PRR5: variants seen among roughly 807,000 people sequenced by gnomAD.
PRR5 encodes the protein proline rich 5, also known as proline-rich protein 5.
A neutral mutation model predicts 30.6 loss-of-function variants in PRR5; 25 were observed. The ratio of observed to expected loss-of-function variants is 0.82; its 90% confidence interval spans 0.60 to 1.14. The LOEUF (loss-of-function observed/expected upper bound fraction) is 1.14, where lower values mean the gene tolerates loss of function less well. Ranked by LOEUF, PRR5 falls within the 50% of genes most tolerant of loss-of-function variation. PRR5 has a pLI of 0.00. For missense variants in PRR5, 600 were observed against 547.1 expected (o/e 1.10, Z -0.96); for synonymous variants, 286 against 247.1 (o/e 1.16, Z -1.48).
chr22:44,692,626 G>A (rs1017505972), intron 1 of PRR5, among the ~76,000 whole-genome samples: 1 of 152,180 alleles, frequency 6.6e-6, no homozygotes, highest in African/African-American at 2.4e-5. Context: ...GCTTCACATT[G>A]CAGTGTGAAC....
intron 4 of PRR5, among the ~76,000 whole-genome samples, chr22:44,729,088 GC>G (rs1366613233): frequency 1.3e-5 from 2 of 152,202 alleles, no homozygotes; most frequent in African/African-American, 2.4e-5. Flanking sequence ...CCTCTGCTGG[GC>G]CCTGGGATCT....
At chr22:44,671,948 C>G (rs1923452787) in intron 1 of PRR5, among the ~76,000 whole-genome samples, 1 of 152,216 alleles carries the variant, frequency 6.6e-6, no homozygotes, top group Non-Finnish European at 1.5e-5. Context: ...CATTCTGTAG[C>G]CACGTGGTCT....
intron 1 of PRR5, among the ~76,000 whole-genome samples, chr22:44,695,853 G>A (rs1243129094): frequency 6.7e-6 from 1 of 149,536 alleles, no homozygotes; most frequent in Admixed American, 6.7e-5. Context: ...CACCCATCTC[G>A]GTCTCCCAAA....
upstream of PRR5, among the ~76,000 whole-genome samples, chr22:44,675,762 G>GTTATTATTATTATCATTA (rs1555894617): frequency 1.8e-4 from 26 of 142,964 alleles, no homozygotes; most frequent in African/African-American, 6.2e-4. Context: ...TGTTGCTGTT[G>GTTATTATTATTATCATTA]TTATTATTAT....
intron 1 of PRR5, among the ~76,000 whole-genome samples, chr22:44,692,106 G>A (rs1277530800): frequency 1.3e-5 from 2 of 151,924 alleles, no homozygotes; most frequent in East Asian, 3.9e-4. Context: ...AAAAAGCACT[G>A]CCTAAGCCCT....
At chr22:44,670,067 C>G (rs1442238659) in intron 1 of PRR5, among the ~76,000 whole-genome samples, 1 of 152,192 alleles carries the variant, frequency 6.6e-6, no homozygotes, top group African/African-American at 2.4e-5. Context: ...TTTGTAAGTC[C>G]CCCATCGTCA....
intron 1 of PRR5, among the ~76,000 whole-genome samples, chr22:44,707,010 C>T (rs896441799): frequency 6.6e-6 from 1 of 152,154 alleles, no homozygotes; most frequent in Non-Finnish European, 1.5e-5. Context: ...AGAGATGTGT[C>T]CCCATCGGGC....
chr22:44,731,203 T>TGGGTCTC, intron 4 of PRR5: 2 of 272,666 alleles, frequency 7.3e-6, no homozygotes, highest in Non-Finnish European at 1.5e-5. Context: ...CTCACCTGTG[T>TGGGTCTC]AGGTCTCACC....
intron 1 of PRR5, among the ~76,000 whole-genome samples, chr22:44,680,863 T>C (rs912763595): frequency 1.2e-4 from 18 of 152,092 alleles, no homozygotes; most frequent in Admixed American, 2.0e-4. Flanking sequence ...AAGGTGGGAT[T>C]TGAGAACCTG....
intron 4 of PRR5, among the ~76,000 whole-genome samples, chr22:44,729,009 G>C (rs567694565): frequency 6.6e-6 from 1 of 152,176 alleles, no homozygotes; most frequent in South Asian, 2.1e-4. Flanking sequence ...TAAGGGAATC[G>C]GCTCCAGCTG....
chr22:44,683,248 C>T (rs999829378), intron 1 of PRR5, among the ~76,000 whole-genome samples: 1 of 152,214 alleles, frequency 6.6e-6, no homozygotes, highest in African/African-American at 2.4e-5. Flanking sequence ...GCAGTGAAGC[C>T]CTGGAGAGCC....
chr22:44,691,329 C>G lies in PRR5; in HGVS notation c.-10-11163C>G, dbSNP rs969639118. The stretch of plus-strand genomic sequence containing the variant: ...CAGGACTCAGAACCTCCATGTCCAC[C>G]TCGGTGGCACGGAGAGGAGGCTACC... On this transcript the variant is annotated intron_variant, in intron 1 of 8. Transcript: ENST00000006251. The surrounding 1 kb of genome is among the most constrained non-coding windows in gnomAD (Gnocchi z 4.4). Among the ~76,000 whole-genome samples the G allele has an allele frequency of 6.6e-6, 1 of 152,160 alleles. No individual in the cohort carries two copies. Among genetic ancestry groups the G allele is most frequent in the Non-Finnish European group, 1.5e-5 (1 of 68,022 alleles).
At chr22:44,687,680 TCTC>T (rs954797661) in intron 1 of PRR5, among the ~76,000 whole-genome samples, 1 of 152,170 alleles carries the variant, frequency 6.6e-6, no homozygotes, top group African/African-American at 2.4e-5. Flanking sequence ...CCGCGCCTGG[TCTC>T]CTGGCTGCTA....
At position 44,704,333 on chromosome 22, in the gene PRR5, C is replaced by T. The variant is rs530840271; in HGVS notation, c.134+1725C>T. On this transcript the variant is annotated intron_variant, in intron 1 of 7. Coordinates refer to ENST00000336985, the MANE Select transcript of PRR5 (RefSeq NM_181333.4). ...CGAGGTGGGGCGTCCTGCTGCGGGT[C>T]CCCAGACAGGTGGGGGCACTGGCTG... 4.6e-5 allele frequency among the ~76,000 whole-genome samples: 7 copies of T among 152,226 alleles called. No homozygotes were observed. The South Asian group carries it at 1.2e-3, about 27-fold the overall frequency.
chr22:44,728,320 G>A (rs868604739), intron 4 of PRR5, among the ~76,000 whole-genome samples: 2 of 152,228 alleles, frequency 1.3e-5, no homozygotes, highest in African/African-American at 4.8e-5. Context: ...CAGCACCCCT[G>A]TCTTAGCAAT....
In PRR5 at chr22:44,679,768, G is replaced by C. The variant is rs777697105; in HGVS notation, c.-11+2528G>C. The C allele has an allele frequency of 1.0e-5, 16 of 1,562,260 alleles. No individual in the cohort carries two copies. In the East Asian group the frequency reaches 3.0e-4, roughly 30 times the overall value. On this transcript the variant is annotated intron_variant, in intron 1 of 8. Coordinates refer to the PRR5 transcript ENST00000006251. ...CTCCCCGCTCTGGGACACTCAGTCT[G>C]ATGGGGCAGGCTGGTCAGAAGACAT...
intron 6 of PRR5, among the ~76,000 whole-genome samples, chr22:44,733,384 C>G (rs907542625): frequency 6.6e-6 from 1 of 152,268 alleles, no homozygotes; most frequent in African/African-American, 2.4e-5. Context: ...AGCTTCACCC[C>G]GGCTCTCGCA....
At chr22:44,732,485 G>A (rs1922208071) in intron 6 of PRR5, 94 bp downstream of exon 6, 1 of 1,496,154 alleles carries the variant, frequency 6.7e-7, no homozygotes, top group South Asian at 1.2e-5. Context: ...AGGATTTAGG[G>A]GCACGAGACT....
rs11912425 is a variant in PRR5, at chr22:44,737,453, C to T, written c.*206C>T. ...CTCGGCCCAGGTCTGTTTCAGGCAT[C>T]TGAGTCGGCGTTTACCCAGGGGCCG... On this transcript the variant is annotated 3_prime_UTR_variant, in exon 8 of 8. Coordinates refer to ENST00000336985, the MANE Select transcript of PRR5 (RefSeq NM_181333.4). The T allele has an allele frequency of 1.8e-6, 2 of 1,132,576 alleles. No homozygotes were observed. The highest frequency in any genetic ancestry group is 3.1e-5 in the African/African-American group (2 of 64,140). The allele number at this position is 1,132,576 out of a possible 1,614,324, so 70.2% of individuals were successfully genotyped here.
Sources: gnomAD v4.1 joint callset for allele counts (sites outside exome capture counted in the v4.1 genomes callset) on GRCh38, gnomAD v4.1.1 for gene constraint, Gnocchi (gnomAD v3.1) non-coding constraint, MANE v1.5 for transcripts, NCBI Gene and HGNC (gene_info 2026-07-23, HGNC 2026-07-21) for gene names.